The following POLA1 variants were observed in gnomAD, a reference collection of about 807,000 sequenced individuals.
POLA1 encodes DNA polymerase alpha 1, catalytic subunit.
A neutral mutation model predicts 124.0 loss-of-function variants in POLA1; 15 were observed. That is an observed-to-expected ratio of 0.12 (90% CI 0.08 to 0.19). The LOEUF is 0.19. POLA1 is among the 10% of genes least tolerant of loss of function. The pLI is 1.00. For missense variants in POLA1, 886 were observed against 1,103.4 expected, an observed-to-expected ratio of 0.80 and a Z score of 2.79; for synonymous variants, 408 against 389.4, an observed-to-expected ratio of 1.05 and a Z score of -0.56.
At chrX:24,887,963 A>G in intron 34 of POLA1, 43 bp from the exon 35 acceptor site, 1 of 799,556 alleles carries the variant, frequency 1.3e-6, no homozygotes, top group Non-Finnish European at 1.9e-6. Flanking sequence ...TATTACTTGT[A>G]TTTGTCGATG....
intron 36 of POLA1, among the ~76,000 whole-genome samples, chrX:24,991,648 G>A (rs1012291652): frequency 2.7e-5 from 3 of 112,516 alleles, no homozygotes; most frequent in African/African-American, 9.7e-5. Context: ...ATGGTGGAGA[G>A]AATTATAATC....
intron 26 of POLA1, among the ~76,000 whole-genome samples, chrX:24,802,827 G>A (rs1264041808): frequency 9.0e-6 from 1 of 110,875 alleles, no homozygotes; most frequent in African/African-American, 3.3e-5. Flanking sequence ...GTGAAACCCC[G>A]TCTCTATTAA....
rs111907196 is a variant in POLA1, at chrX:24,752,516, G to A, written c.2964+3524G>A. ...AAAAAAGAAATTGGGCAAGCCTATG[G>A]CACTGAGTGGACATATATTTTTAAA... On this transcript the variant is annotated intron_variant, in intron 26 of 36. Coordinates refer to ENST00000379068, the MANE Select transcript of POLA1 (RefSeq NM_001330360.2). 5.8e-3 allele frequency among the ~76,000 whole-genome samples: 650 copies of A among 112,122 alleles called. 5 individuals carry two copies. Among genetic ancestry groups the A allele is most frequent in the African/African-American group, 0.02 (613 of 30,876 alleles).
At chrX:24,781,990 A>G (rs1049418875) in intron 26 of POLA1, among the ~76,000 whole-genome samples, 2 of 111,767 alleles carry the variant, frequency 1.8e-5, no homozygotes, top group African/African-American at 6.5e-5. Context: ...GTCAGGAGCC[A>G]TGCACTGTTC....
chrX:24,812,470 G>A (rs11573412), intron 28 of POLA1, among the ~76,000 whole-genome samples, 188 bp from the exon 29 acceptor site: 3,189 of 109,841 alleles, frequency 0.029, 112 homozygotes, highest in African/African-American at 0.098. Flanking sequence ...ATCTATTTTT[G>A]TCCCTGCAGT....
intron 26 of POLA1, among the ~76,000 whole-genome samples, chrX:24,776,923 C>T: frequency 8.9e-6 from 1 of 112,222 alleles, no homozygotes; most frequent in African/African-American, 3.2e-5. Flanking sequence ...ACCAGAATTG[C>T]TTTACCTTCA....
intron 35 of POLA1, among the ~76,000 whole-genome samples, chrX:24,926,494 G>A (rs1198622537): frequency 8.9e-6 from 1 of 111,799 alleles, no homozygotes; most frequent in East Asian, 2.8e-4. Context: ...AAAAATGCAA[G>A]TCAGCTTTAA....
intron 34 of POLA1, among the ~76,000 whole-genome samples, chrX:24,865,203 G>A (rs1009514438): frequency 8.9e-6 from 1 of 112,145 alleles, no homozygotes; most frequent in Non-Finnish European, 1.9e-5. Context: ...AACAGAATAG[G>A]TGTTCAGTAA....
chrX:24,740,869 G>A (rs4369141), intron 20 of POLA1, among the ~76,000 whole-genome samples: 4,455 of 110,850 alleles, frequency 0.04, 94 homozygotes, highest in Non-Finnish European at 0.059. Context: ...TAATATTCCC[G>A]TTGCTTAACT....
rs771589783 is a variant in POLA1, at chrX:24,868,454, A to G, written c.4048-19552A>G. Among the ~76,000 whole-genome samples the G allele has an allele frequency of 7.1e-5, 8 of 112,075 alleles. No individual in the cohort carries two copies. The South Asian group carries it at 3.0e-3, about 42-fold the overall frequency. On this transcript the variant is annotated intron_variant, in intron 34 of 36. Transcript: ENST00000379068. ...ATAGCACTAAAAATCATCCTGGGAT[A>G]AGAAATGTGAAGCATAACATTACTT...
At chrX:24,947,920 C>G (rs1002806555) in intron 36 of POLA1, among the ~76,000 whole-genome samples, 4 of 112,196 alleles carry the variant, frequency 3.6e-5, no homozygotes, top group African/African-American at 9.7e-5. Flanking sequence ...AATCATTGCA[C>G]GATATCATTG....
intron 16 of POLA1, 68 bp downstream of exon 16, chrX:24,732,522 A>G (rs1930976696): frequency 1.6e-6 from 1 of 626,363 alleles, no homozygotes; most frequent in Non-Finnish European, 2.6e-6. Context: ...TTCTCCAGCT[A>G]TTGGATCAGT....
intron 36 of POLA1, among the ~76,000 whole-genome samples, chrX:24,971,523 A>G (rs1472634480): frequency 8.9e-6 from 1 of 112,345 alleles, no homozygotes; most frequent in Non-Finnish European, 1.9e-5. Flanking sequence ...GCAACAAATC[A>G]TAGCATGGGC....
chrX:24,734,684 T>C (rs1931158024), intron 17 of POLA1, among the ~76,000 whole-genome samples: 2 of 111,571 alleles, frequency 1.8e-5, no homozygotes. Flanking sequence ...TGGCGTGATA[T>C]TGGCTCACTG....
At chrX:24,726,520 G>A (rs1223536350) in intron 13 of POLA1, among the ~76,000 whole-genome samples, 2 of 112,484 alleles carry the variant, frequency 1.8e-5, no homozygotes, top group Non-Finnish European at 3.8e-5. Context: ...TTCCCACAAC[G>A]TTGGAAAAGG....
chrX:24,974,061 A>T (rs780207942), intron 36 of POLA1, among the ~76,000 whole-genome samples: 1 of 101,849 alleles, frequency 9.8e-6, no homozygotes, highest in Non-Finnish European at 1.9e-5. Context: ...AAATGACAGG[A>T]AAAAAAAAAT....
intron 36 of POLA1, among the ~76,000 whole-genome samples, chrX:24,978,543 C>G (rs899848071): frequency 1.8e-5 from 2 of 111,951 alleles, no homozygotes; most frequent in African/African-American, 6.5e-5. Flanking sequence ...ACACTAAGCA[C>G]CAGACACTAT....
At chrX:24,792,508 C>T (rs1360911036) in intron 26 of POLA1, among the ~76,000 whole-genome samples, 2 of 112,363 alleles carry the variant, frequency 1.8e-5, no homozygotes, top group Non-Finnish European at 3.8e-5. Context: ...TTTATATTCA[C>T]CTAACAGTGA....
intron 10 of POLA1, 74 bp downstream of exon 10, chrX:24,717,832 TTC>T: frequency 2.8e-6 from 2 of 717,888 alleles, no homozygotes; most frequent in African/African-American, 2.2e-5. Flanking sequence ...TATTTTTTGT[TTC>T]TTTTTGTGTG....
Sources: gnomAD v4.1 joint callset for allele counts (sites outside exome capture counted in the v4.1 genomes callset) on GRCh38, gnomAD v4.1.1 for gene constraint, MANE v1.5 for transcripts, NCBI Gene and HGNC (gene_info 2026-07-23, HGNC 2026-07-21) for gene names.